ZNF616: variants seen among roughly 807,000 people sequenced by gnomAD.
ZNF616 encodes zinc finger protein 616.
ZNF616 carries 5 observed loss-of-function variants against 7.6 expected under a neutral mutation model. That is an observed-to-expected ratio of 0.66 (90% CI 0.34 to 1.38). ZNF616 has a LOEUF of 1.38. ZNF616 is among the 40% of genes most tolerant of loss of function. ZNF616 has a pLI of 0.04. For missense variants in ZNF616, 913 were observed against 948.3 expected (o/e 0.96, Z 0.49); for synonymous variants, 319 against 317.2 (o/e 1.01, Z -0.06).
chr19:52,130,444 A>G, intron 2 of ZNF616, 57 bp downstream of exon 2: 2 of 1,474,048 alleles, frequency 1.4e-6, no homozygotes, highest in South Asian at 2.3e-5. Flanking sequence ...TCACAAAGGA[A>G]GGAGACAGAA....
chr19:52,137,502 T>A (rs181752637), intron 1 of ZNF616, among the ~76,000 whole-genome samples: 317 of 152,278 alleles, frequency 2.1e-3, no homozygotes, highest in African/African-American at 7.3e-3. Flanking sequence ...GAGGACATTA[T>A]GCTGGGCGAT....
chr19:52,130,438 A>G, intron 2 of ZNF616, 63 bp downstream of exon 2: 1 of 1,460,636 alleles, frequency 6.8e-7, no homozygotes, highest in Non-Finnish European at 9.6e-7. Context: ...TGTACTTCAC[A>G]AAGGAAGGAG....
intron 3 of ZNF616, among the ~76,000 whole-genome samples, chr19:52,118,641 T>C (rs2088844316): frequency 6.6e-6 from 1 of 152,218 alleles, no homozygotes; most frequent in Non-Finnish European, 1.5e-5. Context: ...GAATTTCTGT[T>C]GTTTCAACCA....
rs776512327 is a variant in ZNF616, at chr19:52,115,352, T to C, written c.1812A>G (p.Pro604=). The C allele has an allele frequency of 6.2e-7, 1 of 1,613,988 alleles. No homozygotes were observed. Among genetic ancestry groups the C allele is most frequent in the Non-Finnish European group, 8.5e-7 (1 of 1,179,992 alleles). ...GHRRVHTGEK[P]YKCHECGKAF... is the part of the protein sequence containing the mutation. ...CTTTGCCACATTCATGACATTTGTA[T>C]GGTTTCTCTCCAGTATGAACTCTTC... The change falls in exon 4 of 4, where the codon CCA becomes CCG. Residue 604 remains proline, a synonymous_variant. Coordinates refer to ENST00000600228, the MANE Select transcript of ZNF616 (RefSeq NM_178523.5).
Position 52,137,053 on chromosome 19 carries a change from G to GTATATATATATATA in ZNF616, c.-77+2665_-77+2678dup, listed in dbSNP as rs35226169. 4.4e-3 allele frequency among the ~76,000 whole-genome samples: 627 copies of GTATATATATATATA among 143,684 alleles called. 10 individuals carry two copies. Among genetic ancestry groups the GTATATATATATATA allele is most frequent in the African/African-American group, 0.013 (492 of 38,634 alleles). The allele number at this position is 143,684 out of a possible 152,430, so 94.3% of individuals were successfully genotyped here. Reference sequence around the variant, plus strand: ...TGTGTGTATATATATTTATGTATGTGTATATATATATATATATATATACAG... The same window carrying GTATATATATATATA: ...TGTGTGTATATATATTTATGTATGTGTATATATATATATATATATATATATATATATATATACAG... On this transcript the variant is annotated intron_variant, in intron 1 of 3. Coordinates refer to ENST00000600228, the MANE Select transcript of ZNF616 (RefSeq NM_178523.5).
At position 52,116,284 on chromosome 19, in the gene ZNF616, C is replaced by T; in HGVS notation, c.880G>A (p.Glu294Lys). The change falls in exon 4 of 4, where the codon GAA becomes AAA. Residue 294 changes from glutamate to lysine, a missense_variant. Physicochemically the swap from Glu to Lys is moderately conservative, Grantham distance 56. Transcript: ENST00000600228. ...LAVHQRIHTG[E>K]KPYKCNLCGK... ...CACAGATTACATTTGTAAGGTTTTT[C>T]ACCGGTATGAATTCTCTGATGAACT... 6.2e-7 allele frequency: 1 copy of T among 1,614,106 alleles called. No individual in the cohort carries two copies. Among genetic ancestry groups the T allele is most frequent in the Non-Finnish European group, 8.5e-7 (1 of 1,180,024 alleles).
Position 52,116,086 on chromosome 19 carries a change from T to G in ZNF616, c.1078A>C (p.Lys360Gln). The change falls in exon 4 of 4, where the codon AAG becomes CAG. Residue 360 changes from lysine (K) to glutamine (Q), a missense_variant. Physicochemically the swap from Lys to Gln is moderately conservative, Grantham distance 53. Coordinates refer to ENST00000600228, the MANE Select transcript of ZNF616 (RefSeq NM_178523.5). Reference sequence around the variant, plus strand: ...AGATTTGATCTATGTCTGAATGCCTTGCCACATACATCACATTTATATGGT... The same window carrying G: ...AGATTTGATCTATGTCTGAATGCCTGGCCACATACATCACATTTATATGGT... Reference protein sequence around the residue: ...KKPYKCDVCGKAFRHRSNLVC... With the variant: ...KKPYKCDVCGQAFRHRSNLVC... The G allele has an allele frequency of 6.2e-7, 1 of 1,614,228 alleles. No individual in the cohort carries two copies. Among genetic ancestry groups the G allele is most frequent in the Non-Finnish European group, 8.5e-7 (1 of 1,180,032 alleles).
At chr19:52,135,806 T>C (rs779671197) in intron 1 of ZNF616, among the ~76,000 whole-genome samples, 2 of 152,178 alleles carry the variant, frequency 1.3e-5, no homozygotes, top group Non-Finnish European at 2.9e-5. Context: ...AGTTGTTCCT[T>C]AAGTCAGGAA....
chr19:52,132,706 C>G (rs780978868), intron 1 of ZNF616, among the ~76,000 whole-genome samples: 9 of 152,142 alleles, frequency 5.9e-5, no homozygotes, highest in Non-Finnish European at 1.2e-4. Context: ...TACAGGCTCC[C>G]CAGAAGCAGA....
Position 52,128,759 on chromosome 19 carries a change from C to T in ZNF616, c.12+1742G>A, listed in dbSNP as rs186420946. ...TCCGTCTCAAAAAAAAAAAAAAAAGCTAAAATGTTTCCTTGATGCCCATTT... is the reference window on the plus strand; with the variant it reads ...TCCGTCTCAAAAAAAAAAAAAAAAGTTAAAATGTTTCCTTGATGCCCATTT... On this transcript the variant is annotated intron_variant, in intron 2 of 3. Coordinates refer to ENST00000600228, the MANE Select transcript of ZNF616 (RefSeq NM_178523.5). Among the ~76,000 whole-genome samples the T allele has an allele frequency of 5.1e-3, 761 of 149,690 alleles. 4 individuals carry two copies. The highest frequency in any genetic ancestry group is 8.0e-3 in the Non-Finnish European group (537 of 67,438).
rs770747418 is a variant in ZNF616 at position 52,116,650 on chromosome 19, T to C, written c.514A>G (p.Asn172Asp). 3 of 1,614,050 alleles carry C rather than the reference T, an allele frequency of 1.9e-6. No homozygotes were observed. Among genetic ancestry groups the C allele is most frequent in the Non-Finnish European group, 2.5e-6 (3 of 1,180,032 alleles). ...ATGTGTGGAGAAACTAAACAACCATTATTACCTGTCTTCTCCGTTTCATTA... is the reference window on the plus strand; with the variant it reads ...ATGTGTGGAGAAACTAAACAACCATCATTACCTGTCTTCTCCGTTTCATTA... The part of the protein sequence containing the change: ...ECNETEKTGN[N>D]GCLVSPHIRE... Residue 172 changes from asparagine (N) to aspartate (D), a missense_variant, in exon 4 of 4, where the codon AAT becomes GAT. Asn to Asp is a conservative substitution (Grantham distance 23). Coordinates refer to ENST00000600228, the MANE Select transcript of ZNF616 (RefSeq NM_178523.5).
rs142271218 is a variant in ZNF616 at position 52,114,241 on chromosome 19, C to T, written c.*577G>A. Reference sequence around the variant, plus strand: ...AATTCTTGCCACACGTATTACACTTCTGTGATTTTTCTCCAGGATGTATAC... The same window carrying T: ...AATTCTTGCCACACGTATTACACTTTTGTGATTTTTCTCCAGGATGTATAC... On this transcript the variant is annotated 3_prime_UTR_variant, in exon 4 of 4. Coordinates refer to ENST00000600228, the MANE Select transcript of ZNF616 (RefSeq NM_178523.5). The T allele has an allele frequency of 0.015, 2,244 of 152,180 alleles. 15 individuals are homozygous for T. Among genetic ancestry groups the T allele is most frequent in the Non-Finnish European group, 0.023 (1,544 of 68,038 alleles). The allele number at this position is 152,180 out of a possible 1,614,324, so 9.4% of individuals were successfully genotyped here. A position where few individuals can be genotyped will look rare whatever the true frequency, so the allele number is the denominator to read the frequency against.
Position 52,133,580 on chromosome 19 carries a change from A to G in ZNF616, c.-76-2992T>C, listed in dbSNP as rs1319888782. Among the ~76,000 whole-genome samples the G allele has an allele frequency of 9.2e-5, 14 of 152,078 alleles. No homozygotes were observed. The East Asian group carries it at 2.5e-3, about 27-fold the overall frequency. ...GTCGCCTAGGCTGGAGTGCAATGGC[A>G]CGATCTCGGCTCACTGCAACCTCCG... On this transcript the variant is annotated intron_variant, in intron 1 of 3. Coordinates refer to ENST00000600228, the MANE Select transcript of ZNF616 (RefSeq NM_178523.5).
At chr19:52,130,990 T>C (rs934503065) in intron 1 of ZNF616, among the ~76,000 whole-genome samples, 6 of 152,168 alleles carry the variant, frequency 3.9e-5, no homozygotes, top group South Asian at 2.1e-4. Flanking sequence ...AACTTGGGGC[T>C]GGGAGCGGTG....
chr19:52,125,833 ACGTAAAC>A (rs1165156492), intron 2 of ZNF616, among the ~76,000 whole-genome samples: 1 of 152,202 alleles, frequency 6.6e-6, no homozygotes, highest in African/African-American at 2.4e-5. Flanking sequence ...AAGATAACTG[ACGTAAAC>A]CGGTGTCTGC....
chr19:52,137,181 G>A (rs1402314902), intron 1 of ZNF616, among the ~76,000 whole-genome samples: 2 of 151,688 alleles, frequency 1.3e-5, no homozygotes, highest in Non-Finnish European at 2.9e-5. Flanking sequence ...CACTTTGGGA[G>A]GCCGAGGCGG....
intron 2 of ZNF616, among the ~76,000 whole-genome samples, chr19:52,126,587 G>A (rs970495439): frequency 2.0e-5 from 3 of 151,674 alleles, no homozygotes; most frequent in African/African-American, 7.3e-5. Flanking sequence ...GGCCAACACG[G>A]TGAAACCCCG....
intron 3 of ZNF616, among the ~76,000 whole-genome samples, chr19:52,119,198 G>A (rs1369055269): frequency 6.6e-6 from 1 of 152,046 alleles, no homozygotes; most frequent in Non-Finnish European, 1.5e-5. Flanking sequence ...CCAAGATGAT[G>A]AAACCCCACC....
At chr19:52,117,058 AACT>A (rs1204551865) in intron 3 of ZNF616, 34 bp from the exon 4 acceptor site, 1 of 1,506,690 alleles carries the variant, frequency 6.6e-7, no homozygotes, top group East Asian at 2.3e-5. Flanking sequence ...TTTTTTTTTA[AACT>A]ACTACTATTG....
Sources: gnomAD v4.1 joint callset for allele counts (sites outside exome capture counted in the v4.1 genomes callset) on GRCh38, gnomAD v4.1.1 for gene constraint, MANE v1.5 for transcripts, NCBI Gene and HGNC (gene_info 2026-07-23, HGNC 2026-07-21) for gene names.